The following TBC1D19 variants were observed in gnomAD, a reference collection of about 807,000 sequenced individuals.
TBC1D19 encodes TBC1 domain family, member 19.
Under a neutral mutation model 89.0 loss-of-function variants are expected in TBC1D19, and 60 were observed. That is an observed-to-expected ratio of 0.67 (90% CI 0.55 to 0.84). TBC1D19 has a LOEUF of 0.84. TBC1D19 is among the 40% of genes least tolerant of loss of function. The probability of loss-of-function intolerance (pLI) is 0.00; values close to 1 mark genes in which losing one functional copy is unlikely to be tolerated. For synonymous variants in TBC1D19, 189 were observed against 199.7 expected, an observed-to-expected ratio of 0.95 and a Z score of 0.45; for missense variants, 500 against 610.8, an observed-to-expected ratio of 0.82 and a Z score of 1.91.
chr4:26,792,041 G>A, the TBC1D19 span, among the ~76,000 whole-genome samples: 1 of 152,198 alleles, frequency 6.6e-6, no homozygotes, highest in African/African-American at 2.4e-5. Context: ...AGAAGAACCA[G>A]CAAAGGAGGC....
At chr4:26,683,360 C>A (rs1242818887) in intron 11 of TBC1D19, among the ~76,000 whole-genome samples, 1 of 152,108 alleles carries the variant, frequency 6.6e-6, no homozygotes. Context: ...AATGAGTTAA[C>A]TCTTGTAAAG....
At chr4:26,780,235 G>A in the TBC1D19 span, among the ~76,000 whole-genome samples, 2 of 152,176 alleles carry the variant, frequency 1.3e-5, no homozygotes, top group Admixed American at 6.5e-5. Flanking sequence ...TTCTAAATTA[G>A]GATCGTCCCA....
At chr4:26,836,447 A>G in the TBC1D19 span, among the ~76,000 whole-genome samples, 3 of 152,202 alleles carry the variant, frequency 2.0e-5, no homozygotes, top group Non-Finnish European at 4.4e-5. Context: ...GAATCAAGAA[A>G]CACTTCAGGG....
intron 13 of TBC1D19, among the ~76,000 whole-genome samples, chr4:26,700,815 C>G (rs1447851437): frequency 1.3e-5 from 2 of 152,034 alleles, no homozygotes; most frequent in African/African-American, 4.8e-5. Flanking sequence ...AGTAAATTGG[C>G]CTTCCTATTT....
the TBC1D19 span, among the ~76,000 whole-genome samples, chr4:26,765,764 C>G: frequency 1.3e-5 from 2 of 152,094 alleles, no homozygotes; most frequent in Admixed American, 6.6e-5. Flanking sequence ...TATCACTACA[C>G]TAGTTTGGTG....
chr4:26,748,982 T>C (rs1718799714), intron 19 of TBC1D19, among the ~76,000 whole-genome samples: 1 of 152,250 alleles, frequency 6.6e-6, no homozygotes. Context: ...TCTGTGTCTA[T>C]TTATAAATGA....
At chr4:26,629,612 CA>C (rs930657880) in intron 4 of TBC1D19, among the ~76,000 whole-genome samples, 57 of 152,064 alleles carry the variant, frequency 3.7e-4, no homozygotes, top group African/African-American at 1.3e-3. Context: ...TATAAAGAAT[CA>C]GAAACACAGA....
chr4:26,614,330 T>C, intron 2 of TBC1D19, 78 bp from the exon 3 acceptor site: 1 of 1,036,862 alleles, frequency 9.6e-7, no homozygotes, highest in Non-Finnish European at 1.4e-6. Context: ...AAAGTTTTAT[T>C]GAGATAAATT....
chr4:26,599,017 A>G (rs1183408887), intron 1 of TBC1D19, among the ~76,000 whole-genome samples: 2 of 152,116 alleles, frequency 1.3e-5, no homozygotes, highest in Non-Finnish European at 2.9e-5. Flanking sequence ...CAAGAAACTC[A>G]AAAAAGTATT....
the TBC1D19 span, among the ~76,000 whole-genome samples, chr4:26,798,429 G>C: frequency 6.6e-6 from 1 of 152,098 alleles, no homozygotes; most frequent in Admixed American, 6.5e-5. Flanking sequence ...TGGAGAAAAG[G>C]GAATGCTTAT....
intron 13 of TBC1D19, among the ~76,000 whole-genome samples, chr4:26,703,676 G>A (rs896219190): frequency 6.6e-6 from 1 of 151,382 alleles, no homozygotes; most frequent in Admixed American, 6.6e-5. Flanking sequence ...GCCTATGTCC[G>A]GGCACGGTGG....
intron 5 of TBC1D19, among the ~76,000 whole-genome samples, chr4:26,638,025 A>G (rs1287226855): frequency 6.6e-6 from 1 of 152,206 alleles, no homozygotes; most frequent in Admixed American, 6.5e-5. Flanking sequence ...TAGGAAACGA[A>G]AAGGATAATT....
At chr4:26,856,441 A>T in the TBC1D19 span, among the ~76,000 whole-genome samples, 3 of 152,194 alleles carry the variant, frequency 2.0e-5, no homozygotes, top group African/African-American at 7.2e-5. Context: ...TGAACATGAG[A>T]GTGCAGATAT....
intron 3 of TBC1D19, among the ~76,000 whole-genome samples, chr4:26,614,887 A>C (rs917760402): frequency 6.6e-6 from 1 of 152,174 alleles, no homozygotes; most frequent in Admixed American, 6.6e-5. Flanking sequence ...CATGTTGGCC[A>C]GTCTAGTCTC....
the TBC1D19 span, among the ~76,000 whole-genome samples, chr4:26,820,899 A>T: frequency 6.6e-6 from 1 of 152,162 alleles, no homozygotes; most frequent in Admixed American, 6.5e-5. Flanking sequence ...CAGTACAGGG[A>T]TTTGTTTTCA....
At chr4:26,741,246 C>G (rs1718352202) in intron 17 of TBC1D19, among the ~76,000 whole-genome samples, 1 of 151,232 alleles carries the variant, frequency 6.6e-6, no homozygotes, top group South Asian at 2.1e-4. Context: ...GTCCCAGCTA[C>G]TCGGGAGGCT....
At chr4:26,593,191 T>C (rs1436136518) in intron 1 of TBC1D19, among the ~76,000 whole-genome samples, 2 of 152,118 alleles carry the variant, frequency 1.3e-5, no homozygotes, top group African/African-American at 4.8e-5. Context: ...GCCACATATC[T>C]ACAACTATCT....
chr4:26,746,596 C>A (rs1039779049), intron 18 of TBC1D19, among the ~76,000 whole-genome samples: 4 of 152,102 alleles, frequency 2.6e-5, no homozygotes, highest in African/African-American at 7.2e-5. Flanking sequence ...AGGGTAATTT[C>A]TGCTATACTG....
rs572697922 is a variant in TBC1D19, at chr4:26,695,671, T to C, written c.954+7264T>C. 1.3e-3 allele frequency among the ~76,000 whole-genome samples: 200 copies of C among 152,214 alleles called. 8 individuals carry two copies. The South Asian group carries it at 0.04, about 30-fold the overall frequency. The stretch of plus-strand genomic sequence containing the variant: ...TAACAGCGGATCTCTCGGCAGAAAC[T>C]CTACAAGCCAGAAGGGAGTGGGGGC... On this transcript the variant is annotated intron_variant, in intron 13 of 20. Coordinates refer to ENST00000264866, the MANE Select transcript of TBC1D19 (RefSeq NM_018317.4).
Sources: gnomAD v4.1 joint callset for allele counts (sites outside exome capture counted in the v4.1 genomes callset) on GRCh38, gnomAD v4.1.1 for gene constraint, MANE v1.5 for transcripts, NCBI Gene and HGNC (gene_info 2026-07-23, HGNC 2026-07-21) for gene names.